Variants in LGR4 observed in about 807,000 individuals in gnomAD.
The protein encoded by LGR4 is leucine-rich repeat-containing G protein-coupled receptor 4.
In LGR4, 44 loss-of-function variants were observed where a neutral mutation model predicts 84.8. That is an observed-to-expected ratio of 0.52 (90% CI 0.41 to 0.67). The LOEUF (loss-of-function observed/expected upper bound fraction) is 0.67, where lower values mean the gene tolerates loss of function less well. Among genes scored for constraint, LGR4 ranks in the 30% least tolerant of loss-of-function variants. The pLI is 0.00. For synonymous variants in LGR4, 429 were observed against 434.3 expected, an observed-to-expected ratio of 0.99 and a Z score of 0.15; for missense variants, 1,032 against 1,131.4, an observed-to-expected ratio of 0.91 and a Z score of 1.26.
At position 27,368,701 on chromosome 11, in the gene LGR4, T is replaced by G. The variant is rs1337628868; in HGVS notation, c.2022A>C (p.Thr674=). 1 of 1,613,726 alleles carries G rather than the reference T, an allele frequency of 6.2e-7. No individual in the cohort carries two copies. The highest frequency in any genetic ancestry group is 8.5e-7 in the Non-Finnish European group (1 of 1,179,838). Residue 674 remains threonine, a synonymous_variant, in exon 18 of 18, where the codon ACA becomes ACC. Transcript: ENST00000379214. ...VAALLAFLGA[T]VAGCFPLFHR... is the part of the protein sequence containing the mutation. ...GGAAAAGGGGAAAACAGCCTGCTAC[T>G]GTAGCACCTAGGAAAGCCAAAAGGG...
intron 1 of LGR4, among the ~76,000 whole-genome samples, chr11:27,443,474 C>T (rs931478354): frequency 6.6e-6 from 1 of 152,128 alleles, no homozygotes; most frequent in East Asian, 1.9e-4. Flanking sequence ...ATTACTTGGC[C>T]ACTTTAACAA....
intron 1 of LGR4, among the ~76,000 whole-genome samples, chr11:27,437,645 C>G (rs1446600988): frequency 7.2e-6 from 1 of 139,456 alleles, no homozygotes; most frequent in Admixed American, 7.2e-5. Flanking sequence ...TTACTTGAAT[C>G]TCTTTTAAAG....
intron 2 of LGR4, among the ~76,000 whole-genome samples, chr11:27,406,344 T>A (rs1863608728): frequency 6.6e-6 from 1 of 152,108 alleles, no homozygotes; most frequent in South Asian, 2.1e-4. Context: ...GTCTAGCAAG[T>A]CCTTCCTCAC....
At chr11:27,429,482 CA>C (rs200459847) in intron 1 of LGR4, among the ~76,000 whole-genome samples, 2,284 of 114,224 alleles carry the variant, frequency 0.02, 57 homozygotes, top group African/African-American at 0.061. Context: ...GATTCCATCT[CA>C]AAAAAAAAAA....
chr11:27,472,091 C>A lies in LGR4; in HGVS notation c.185+27G>T, dbSNP rs542579929. 2.1e-4 allele frequency: 274 copies of A among 1,291,018 alleles called. 3 individuals carry two copies. Among genetic ancestry groups the A allele is most frequent in the African/African-American group, 1.6e-3 (99 of 63,862 alleles). 80.0% of individuals were successfully genotyped at this position (1,291,018 alleles called of 1,614,324 possible). A position where few individuals can be genotyped will look rare whatever the true frequency, so the allele number is the denominator to read the frequency against. On this transcript the variant is annotated intron_variant, in intron 1 of 17. Transcript: ENST00000379214. Reference sequence around the variant, plus strand: ...CGCTGGGCCCCGTTTCCTCCCCCCCCCTCGCGTCCCCGCCGCCCGCACTCA... The same window carrying A: ...CGCTGGGCCCCGTTTCCTCCCCCCCACTCGCGTCCCCGCCGCCCGCACTCA...
chr11:27,419,649 CACAT>C (rs1324335948), intron 1 of LGR4, among the ~76,000 whole-genome samples: 1 of 146,122 alleles, frequency 6.8e-6, no homozygotes, highest in African/African-American at 2.5e-5. Context: ...TATATATATA[CACAT>C]ATATATGTGT....
At chr11:27,406,822 T>C (rs573612080) in intron 2 of LGR4, among the ~76,000 whole-genome samples, 13 of 152,322 alleles carry the variant, frequency 8.5e-5, no homozygotes, top group Non-Finnish European at 1.8e-4. Flanking sequence ...TGAGGAACTA[T>C]TTTGCTTTTT....
intron 1 of LGR4, among the ~76,000 whole-genome samples, chr11:27,459,134 G>A (rs1274699377): frequency 6.6e-6 from 1 of 152,186 alleles, no homozygotes. Flanking sequence ...CTTATGTTCA[G>A]TAATGATACC....
At chr11:27,392,279 C>T (rs1235658220) in intron 3 of LGR4, among the ~76,000 whole-genome samples, 168 bp downstream of exon 3, 1 of 152,090 alleles carries the variant, frequency 6.6e-6, no homozygotes, top group Non-Finnish European at 1.5e-5. Context: ...AATCTAGATG[C>T]AGGGTTGCCT....
chr11:27,470,495 G>T (rs527347780), intron 1 of LGR4, among the ~76,000 whole-genome samples: 1 of 152,240 alleles, frequency 6.6e-6, no homozygotes, highest in Admixed American at 6.5e-5. Context: ...TTCAGGTAAA[G>T]GGACCTTTCT....
intron 1 of LGR4, among the ~76,000 whole-genome samples, chr11:27,442,552 A>G (rs1445413222): frequency 6.6e-6 from 1 of 152,234 alleles, no homozygotes; most frequent in Non-Finnish European, 1.5e-5. Context: ...AGGGGTAGTG[A>G]GTTAAATGTT....
At chr11:27,449,759 T>C (rs1013047118) in intron 1 of LGR4, among the ~76,000 whole-genome samples, 1 of 152,216 alleles carries the variant, frequency 6.6e-6, no homozygotes, top group Non-Finnish European at 1.5e-5. Flanking sequence ...AAAGGACGTA[T>C]GTCTATAATT....
In LGR4 at chr11:27,366,581, GCA is replaced by G. The variant is rs2133355819; in HGVS notation, c.*1284_*1285del. On this transcript the variant is annotated 3_prime_UTR_variant, in exon 18 of 18. Transcript: ENST00000379214. ...TGGCAGTGGGTTTGCTATTGATTTAGCACACTGTTCAAAAAACATATTGAACA... is the reference window on the plus strand; with the variant it reads ...TGGCAGTGGGTTTGCTATTGATTTAGCACTGTTCAAAAAACATATTGAACA... 6.6e-6 allele frequency: 1 copy of G among 152,440 alleles called. No homozygotes were observed. Among genetic ancestry groups the G allele is most frequent in the South Asian group, 2.1e-4 (1 of 4,808 alleles). The allele number at this position is 152,440 out of a possible 1,614,324, so 9.4% of individuals were successfully genotyped here.
intron 2 of LGR4, among the ~76,000 whole-genome samples, chr11:27,403,303 A>G (rs1422438538): frequency 6.6e-6 from 1 of 152,178 alleles, no homozygotes. Flanking sequence ...TCTACAAAAA[A>G]TACAAAAATT....
At chr11:27,412,882 A>G (rs1863738096) in intron 1 of LGR4, 22 bp from the exon 2 acceptor site, 1 of 1,476,962 alleles carries the variant, frequency 6.8e-7, no homozygotes, top group Non-Finnish European at 9.5e-7. Context: ...AAAGTTAAGA[A>G]TATTGTTAAT....
Position 27,368,991 on chromosome 11 carries a change from C to A in LGR4, c.1732G>T (p.Gly578Cys). 6.2e-7 allele frequency: 1 copy of A among 1,613,982 alleles called. No individual in the cohort carries two copies. Among genetic ancestry groups the A allele is most frequent in the Non-Finnish European group, 8.5e-7 (1 of 1,179,986 alleles). Reference sequence around the variant, plus strand: ...AATAAGTTAGACACAGAAATCAAGCCTATAAACAATTTGGACGAAGGCAGT... The same window carrying A: ...AATAAGTTAGACACAGAAATCAAGCATATAAACAATTTGGACGAAGGCAGT... ...TSLPSSKLFIGLISVSNLFMG... is the reference protein window; with the variant it reads ...TSLPSSKLFICLISVSNLFMG... The change falls in exon 18 of 18, where the codon GGC becomes TGC. Residue 578 changes from glycine (G) to cysteine (C), a missense_variant. Transcript: ENST00000379214.
At chr11:27,387,477 C>A (rs1291375517) in intron 4 of LGR4, among the ~76,000 whole-genome samples, 1 of 152,050 alleles carries the variant, frequency 6.6e-6, no homozygotes, top group Non-Finnish European at 1.5e-5. Flanking sequence ...AAAGAAAATG[C>A]AAGAATGAGT....
chr11:27,392,309 C>A, intron 3 of LGR4, 138 bp downstream of exon 3: 1 of 610,984 alleles, frequency 1.6e-6, no homozygotes, highest in Non-Finnish European at 2.7e-6. Flanking sequence ...TCTGGCCTCT[C>A]ATACTACTCA....
intron 1 of LGR4, among the ~76,000 whole-genome samples, chr11:27,445,494 C>T (rs953245116): frequency 7.9e-5 from 12 of 152,174 alleles, no homozygotes; most frequent in Non-Finnish European, 1.6e-4. Flanking sequence ...AGCATGATAT[C>T]TGGTACACAT....
Sources: gnomAD v4.1 joint callset for allele counts (sites outside exome capture counted in the v4.1 genomes callset) on GRCh38, gnomAD v4.1.1 for gene constraint, MANE v1.5 for transcripts, NCBI Gene and HGNC (gene_info 2026-07-23, HGNC 2026-07-21) for gene names.